Variants in BICRA observed in about 807,000 individuals in gnomAD.
The protein encoded by BICRA is BRD4 interacting chromatin remodeling complex associated protein.
In BICRA, 31 loss-of-function variants were observed where a neutral mutation model predicts 96.9. That is an observed-to-expected ratio of 0.32 (90% CI 0.24 to 0.43). The LOEUF is 0.43. Among genes scored for constraint, BICRA ranks in the 20% least tolerant of loss-of-function variants. The pLI is 1.00. For missense variants in BICRA, 2,283 were observed against 2,190.3 expected (o/e 1.04, Z -0.84); for synonymous variants, 1,350 against 1,071.8 (o/e 1.26, Z -5.07).
intron 1 of BICRA, among the ~76,000 whole-genome samples, chr19:47,667,082 G>A (rs1469215506): frequency 7.4e-5 from 11 of 147,700 alleles, no homozygotes; most frequent in African/African-American, 1.3e-4. Flanking sequence ...GCAGTGGCAC[G>A]ATCTCGGCTC....
In BICRA at chr19:47,681,060, G is replaced by T. The variant is rs1442342146; in HGVS notation, c.1890G>T (p.Ala630=). The T allele has an allele frequency of 3.6e-5, 50 of 1,397,568 alleles. No homozygotes were observed. The highest frequency in any genetic ancestry group is 4.5e-5 in the Non-Finnish European group (49 of 1,079,970). 86.6% of individuals were successfully genotyped at this position (1,397,568 alleles called of 1,614,324 possible). Reference sequence around the variant, plus strand: ...AGCCTGCCCCCCAGGCGCCCCCCGCGGTCAGCACACCCCTGCCCCTGGGCC... The same window carrying T: ...AGCCTGCCCCCCAGGCGCCCCCCGCTGTCAGCACACCCCTGCCCCTGGGCC... The part of the protein sequence containing the change: ...TVQPAPQAPP[A]VSTPLPLGLQ... The change falls in exon 6 of 15, where the codon GCG becomes GCT. Residue 630 remains alanine, a synonymous_variant. Coordinates refer to ENST00000594866, the MANE Select transcript of BICRA (RefSeq NM_001394372.1).
intron 1 of BICRA, among the ~76,000 whole-genome samples, chr19:47,643,000 G>A (rs1437489445): frequency 2.0e-5 from 3 of 152,168 alleles, no homozygotes; most frequent in Non-Finnish European, 2.9e-5. Flanking sequence ...CTTTTGAGAC[G>A]GAGTCTCGCT....
At position 47,660,364 on chromosome 19, in the gene BICRA, C is replaced by T. The variant is rs540410724; in HGVS notation, c.-107-10079C>T. Among the ~76,000 whole-genome samples, 7 of 152,292 alleles carry T rather than the reference C, an allele frequency of 4.6e-5. No individual in the cohort carries two copies. The East Asian group carries it at 1.4e-3, about 29-fold the overall frequency. ...GGATTTTGAGCCTACCCAGATAATC[C>T]AGGACAGTCTCATCTCAACATTGTT... On this transcript the variant is annotated intron_variant, in intron 1 of 14. Transcript: ENST00000594866.
intron 1 of BICRA, among the ~76,000 whole-genome samples, chr19:47,657,639 G>A (rs576614577): frequency 1.1e-4 from 16 of 151,920 alleles, no homozygotes; most frequent in African/African-American, 3.6e-4. Context: ...CTTGTGATCC[G>A]CCCACCTCGG....
At chr19:47,627,288 T>G (rs1972155661) in intron 1 of BICRA, among the ~76,000 whole-genome samples, 2 of 152,062 alleles carry the variant, frequency 1.3e-5, no homozygotes, top group South Asian at 4.1e-4. Flanking sequence ...TTGGGGGGTG[T>G]GGTGTAGGTC....
intron 1 of BICRA, among the ~76,000 whole-genome samples, chr19:47,659,784 C>CT (rs1339171900): frequency 6.6e-6 from 1 of 152,008 alleles, no homozygotes; most frequent in Non-Finnish European, 1.5e-5. Flanking sequence ...GGGTCTCCCT[C>CT]TGTCACCCAG....
At chr19:47,689,196 C>T (rs4802383) in intron 7 of BICRA, among the ~76,000 whole-genome samples, 23,405 of 151,966 alleles carry the variant, frequency 0.15, 2,280 homozygotes, top group East Asian at 0.3. Context: ...CTGTTTAACC[C>T]CCCGACCCCA....
intron 9 of BICRA, 23 bp from the exon 10 acceptor site, chr19:47,695,342 T>TCCCTC: frequency 1.6e-6 from 1 of 630,196 alleles, no homozygotes; most frequent in South Asian, 1.9e-5. Context: ...AGGCCCTGTC[T>TCCCTC]CCCCCACCCC....
chr19:47,686,112 G>A (rs1243799056), intron 7 of BICRA, among the ~76,000 whole-genome samples: 4 of 151,842 alleles, frequency 2.6e-5, no homozygotes, highest in African/African-American at 9.7e-5. Flanking sequence ...TGTATTTTTA[G>A]TAGAGACAGG....
chr19:47,694,853 C>A, intron 8 of BICRA, 47 bp from the exon 9 acceptor site: 1 of 1,379,142 alleles, frequency 7.3e-7, no homozygotes, highest in Non-Finnish European at 9.8e-7. Flanking sequence ...GACACCCCTA[C>A]ACCTAGCCTA....
At chr19:47,650,889 C>T (rs1383554228) in intron 1 of BICRA, among the ~76,000 whole-genome samples, 1 of 152,166 alleles carries the variant, frequency 6.6e-6, no homozygotes, top group Non-Finnish European at 1.5e-5. Context: ...GCCCGCACAG[C>T]CTGACACCAT....
At chr19:47,701,000 A>C (rs1973432624) in intron 14 of BICRA, 1 of 384,440 alleles carries the variant, frequency 2.6e-6, no homozygotes, top group Non-Finnish European at 4.7e-6. Context: ...CAGGTCTCAA[A>C]CTCCTGGGCT....
chr19:47,687,424 C>G (rs948230640), intron 7 of BICRA, among the ~76,000 whole-genome samples: 1 of 152,008 alleles, frequency 6.6e-6, no homozygotes, highest in East Asian at 1.9e-4. Context: ...TATGGACATA[C>G]CATTATTTCT....
At chr19:47,668,320 C>T (rs754393152) in intron 1 of BICRA, among the ~76,000 whole-genome samples, 21 of 152,114 alleles carry the variant, frequency 1.4e-4, no homozygotes, top group Non-Finnish European at 2.2e-4. Context: ...AACCCCAAAA[C>T]GGTGCTGATC....
chr19:47,656,817 C>T (rs751445841), intron 1 of BICRA, among the ~76,000 whole-genome samples: 1 of 152,044 alleles, frequency 6.6e-6, no homozygotes, highest in African/African-American at 2.4e-5. Flanking sequence ...GGCCACACGT[C>T]TGATATTTTT....
intron 1 of BICRA, among the ~76,000 whole-genome samples, chr19:47,647,493 T>G (rs1006626046): frequency 2.0e-5 from 3 of 152,166 alleles, no homozygotes; most frequent in African/African-American, 4.8e-5. Flanking sequence ...AGGGGTGCTA[T>G]GAACATTCTA....
intron 7 of BICRA, among the ~76,000 whole-genome samples, chr19:47,691,524 T>G (rs951580037): frequency 1.3e-5 from 2 of 152,190 alleles, no homozygotes; most frequent in African/African-American, 4.8e-5. Flanking sequence ...GTTGCAACCA[T>G]TATACCCGTT....
chr19:47,677,098 G>A (rs886744930), intron 5 of BICRA, among the ~76,000 whole-genome samples: 2 of 152,204 alleles, frequency 1.3e-5, no homozygotes, highest in African/African-American at 4.8e-5. Context: ...GTGAAATGAG[G>A]AAGGGAGCAG....
chr19:47,665,005 T>C (rs1277085780), intron 1 of BICRA, among the ~76,000 whole-genome samples: 1 of 152,146 alleles, frequency 6.6e-6, no homozygotes, highest in Non-Finnish European at 1.5e-5. Context: ...TCCGCAACCC[T>C]GCATACTAGT....
Sources: gnomAD v4.1 joint callset for allele counts (sites outside exome capture counted in the v4.1 genomes callset) on GRCh38, gnomAD v4.1.1 for gene constraint, MANE v1.5 for transcripts, NCBI Gene and HGNC (gene_info 2026-07-23, HGNC 2026-07-21) for gene names.